Variants in TRAPPC13 observed in about 807,000 individuals in gnomAD.
The protein encoded by TRAPPC13 is trafficking protein particle complex subunit 13, also known as REV7-interacting novel NHEJ regulator 1.
Under a neutral mutation model 54.0 loss-of-function variants are expected in TRAPPC13, and 39 were observed. The observed-to-expected ratio is 0.72, with a 90% CI of 0.56 to 0.94. The LOEUF is 0.94. TRAPPC13 is among the 40% of genes least tolerant of loss of function. TRAPPC13 has a pLI of 0.00. For missense variants in TRAPPC13, 386 were observed against 488.1 expected (o/e 0.79, Z 1.97); for synonymous variants, 148 against 167.7 (o/e 0.88, Z 0.91).
rs754488808 is a variant in TRAPPC13 at position 65,664,500 on chromosome 5, A to G, written c.1147-4A>G. ...CTTAGACTCATCTCTCTCTCTCTCA[A>G]TAGAGCATCTCTGGCTTAAGACTAA... On this transcript the variant is annotated splice_region_variant and splice_polypyrimidine_tract_variant and intron_variant, in intron 12 of 12. Transcript: ENST00000399438. 18 of 1,182,286 alleles carry G rather than the reference A, an allele frequency of 1.5e-5. No individual in the cohort carries two copies. Among genetic ancestry groups the G allele is most frequent in the African/African-American group, 5.0e-5 (3 of 59,956 alleles). The allele number at this position is 1,182,286 out of a possible 1,614,324, so 73.2% of individuals were successfully genotyped here. A position where few individuals can be genotyped will look rare whatever the true frequency, so the allele number is the denominator to read the frequency against.
At chr5:65,658,158 A>G (rs969569718) in intron 8 of TRAPPC13, 7 of 423,148 alleles carry the variant, frequency 1.7e-5, no homozygotes, top group African/African-American at 1.0e-4. Context: ...TTGACAAGGT[A>G]TCAGTTGACT....
chr5:65,628,994 G>T (rs981443253), intron 1 of TRAPPC13, among the ~76,000 whole-genome samples: 1 of 151,600 alleles, frequency 6.6e-6, no homozygotes, highest in Admixed American at 6.6e-5. Flanking sequence ...ATTTTTTTTT[G>T]TATTTTGAGT....
intron 4 of TRAPPC13, among the ~76,000 whole-genome samples, chr5:65,643,370 T>C (rs1756042773): frequency 6.6e-6 from 1 of 152,116 alleles, no homozygotes; most frequent in African/African-American, 2.4e-5. Flanking sequence ...TATATATTCA[T>C]AAGAGCTATT....
intron 1 of TRAPPC13, among the ~76,000 whole-genome samples, chr5:65,626,691 A>G (rs1238011771): frequency 2.0e-5 from 3 of 152,104 alleles, no homozygotes; most frequent in Admixed American, 6.5e-5. Flanking sequence ...ATCCGAGATC[A>G]CGCCACTGCA....
At chr5:65,634,871 C>G in intron 1 of TRAPPC13, 1 of 588,376 alleles carries the variant, frequency 1.7e-6, no homozygotes, top group Non-Finnish European at 2.1e-6. Context: ...TACACTCCAG[C>G]CTGGGTGACA....
intron 1 of TRAPPC13, chr5:65,626,210 T>G (rs1755220833): frequency 6.6e-6 from 1 of 152,208 alleles, no homozygotes; most frequent in Admixed American, 6.5e-5. Flanking sequence ...ACTTCAAGTA[T>G]GTGGAGTAAA....
intron 11 of TRAPPC13, chr5:65,663,601 G>C (rs1756915877): frequency 6.6e-6 from 1 of 152,130 alleles, no homozygotes; most frequent in South Asian, 2.1e-4. Flanking sequence ...GGTGGTAGGA[G>C]ACTATTTTTC....
intron 4 of TRAPPC13, among the ~76,000 whole-genome samples, chr5:65,643,598 C>T (rs1756061712): frequency 6.6e-6 from 1 of 151,926 alleles, no homozygotes; most frequent in South Asian, 2.1e-4. Flanking sequence ...GCGGGCGGAT[C>T]ACAAGGTCAG....
At chr5:65,633,094 CT>C (rs1486883103) in intron 1 of TRAPPC13, among the ~76,000 whole-genome samples, 1 of 152,128 alleles carries the variant, frequency 6.6e-6, no homozygotes, top group Non-Finnish European at 1.5e-5. Context: ...TGACCTGTTA[CT>C]TTTTTTCTGA....
chr5:65,636,590 T>C (rs985034789), intron 3 of TRAPPC13, among the ~76,000 whole-genome samples: 10 of 152,362 alleles, frequency 6.6e-5, no homozygotes, highest in Admixed American at 5.9e-4. Context: ...TCTTTAGATC[T>C]TACTATATTT....
intron 10 of TRAPPC13, chr5:65,661,681 C>A (rs912654354): frequency 6.3e-6 from 1 of 159,266 alleles, no homozygotes; most frequent in African/African-American, 2.4e-5. Context: ...CAACATCATC[C>A]CCCTCTTTCT....
chr5:65,633,301 G>A (rs1755614743), intron 1 of TRAPPC13, among the ~76,000 whole-genome samples: 3 of 150,212 alleles, frequency 2.0e-5, no homozygotes, highest in East Asian at 1.9e-4. Flanking sequence ...TTTTTTTTGA[G>A]GCGGGGTCTT....
chr5:65,660,375 A>G (rs1756806590), intron 9 of TRAPPC13, among the ~76,000 whole-genome samples: 1 of 151,648 alleles, frequency 6.6e-6, no homozygotes, highest in South Asian at 2.1e-4. Flanking sequence ...AGCTATGATC[A>G]TACCACTGTA....
rs1012763033 is a variant in TRAPPC13, at chr5:65,654,087, A to C, written c.546+1542A>C. On this transcript the variant is annotated intron_variant, in intron 7 of 12. Coordinates refer to ENST00000399438, the MANE Select transcript of TRAPPC13 (RefSeq NM_024941.4). ...TATTCAGTTATTTTAGGTTTTCTTC[A>C]TTAAAAATATGGTAGTACACTAAGA... Among the ~76,000 whole-genome samples the C allele has an allele frequency of 4.6e-5, 7 of 152,160 alleles. 1 individual carries two copies. The South Asian group carries it at 1.2e-3, about 27-fold the overall frequency.
At chr5:65,643,104 C>T (rs1023620) in intron 4 of TRAPPC13, among the ~76,000 whole-genome samples, 2,224 of 151,318 alleles carry the variant, frequency 0.015, 47 homozygotes, top group African/African-American at 0.051. Flanking sequence ...TAATTTCAGT[C>T]GTATTTCACC....
chr5:65,665,599 G>T lies in TRAPPC13; in HGVS notation c.*988G>T, dbSNP rs1319821982. ...TCTAATTATAAGCCAAAAACCCCTG[G>T]GTTTTTTTCTCATTGATTAAGCCAC... is the stretch of plus-strand genomic sequence containing the variant. On this transcript the variant is annotated 3_prime_UTR_variant, in exon 13 of 13. Transcript: ENST00000399438. 3 of 151,386 alleles carry T rather than the reference G, an allele frequency of 2.0e-5. No individual in the cohort carries two copies. The highest frequency in any genetic ancestry group is 7.3e-5 in the African/African-American group (3 of 41,154). The allele number at this position is 151,386 out of a possible 1,614,324, so 9.4% of individuals were successfully genotyped here. A position where few individuals can be genotyped will look rare whatever the true frequency, so the allele number is the denominator to read the frequency against.
Position 65,632,963 on chromosome 5 carries a change from T to C in TRAPPC13, c.47-2338T>C, listed in dbSNP as rs988435448. Among the ~76,000 whole-genome samples, 10 of 152,166 alleles carry C rather than the reference T, an allele frequency of 6.6e-5. No individual in the cohort carries two copies. The South Asian group carries it at 1.4e-3, about 22-fold the overall frequency. On this transcript the variant is annotated intron_variant, in intron 1 of 12. Coordinates refer to ENST00000399438, the MANE Select transcript of TRAPPC13 (RefSeq NM_024941.4). ...TGAATAGCAGAACTTACACCAAATA[T>C]GGATGCTACAAAACTGAACGTAGTA...
At chr5:65,641,712 G>GAA (rs67025717) in intron 4 of TRAPPC13, among the ~76,000 whole-genome samples, 7 of 138,268 alleles carry the variant, frequency 5.1e-5, no homozygotes, top group African/African-American at 1.9e-4. Context: ...CCCTGTCTGA[G>GAA]AAAAAAAAAA....
In TRAPPC13 at chr5:65,664,377, G is replaced by C. The variant is rs1165751701; in HGVS notation, c.1139G>C (p.Gly380Ala). Residue 380 changes from glycine (G) to alanine (A), a missense_variant, in exon 12 of 13, where the codon GGA (glycine) becomes GCA (alanine). Transcript: ENST00000399438. ...CTTACTCTGCTTTCTTCAGTACAGG[G>C]ACTGCAAGTATGCTGTCTTTTCAAA... ...LALTLLSSVQ[G>A]LQSISGLRLT... 2 of 1,611,152 alleles carry C rather than the reference G, an allele frequency of 1.2e-6. No individual in the cohort carries two copies. The highest frequency in any genetic ancestry group is 2.7e-5 in the African/African-American group (2 of 74,738).
Sources: allele counts gnomAD v4.1 joint callset (sites outside exome capture counted in the v4.1 genomes callset), GRCh38; gene constraint gnomAD v4.1.1; transcripts MANE v1.5; gene names NCBI Gene and HGNC (gene_info 2026-07-23, HGNC 2026-07-21).